The following IGSF23 variants were observed in gnomAD, a reference collection of about 807,000 sequenced individuals.
IGSF23 encodes the protein immunoglobulin superfamily, member 23.
IGSF23 carries 14 observed loss-of-function variants against 17.8 expected under a neutral mutation model. The ratio of observed to expected loss-of-function variants is 0.79; its 90% CI spans 0.52 to 1.23. IGSF23 has a LOEUF of 1.23. Ranked by LOEUF, IGSF23 falls within the 50% of genes most tolerant of loss-of-function variation. The probability of loss-of-function intolerance (pLI) is 0.00; values close to 1 mark genes in which losing one functional copy is unlikely to be tolerated. For missense variants in IGSF23, 214 were observed against 241.7 expected (o/e 0.89, Z 0.76); for synonymous variants, 85 against 92.5 (o/e 0.92, Z 0.46).
intron 3 of IGSF23, among the ~76,000 whole-genome samples, chr19:44,632,980 G>A (rs1972801829): frequency 1.3e-5 from 2 of 152,222 alleles, no homozygotes; most frequent in Admixed American, 1.3e-4. Context: ...ATCAAAAGCA[G>A]TCAATACCTC....
chr19:44,627,377 C>T lies in IGSF23; in HGVS notation c.392-43C>T, dbSNP rs1205865064. 29 of 1,457,902 alleles carry T rather than the reference C, an allele frequency of 2.0e-5. 1 individual carries two copies. Among genetic ancestry groups the T allele is most frequent in the African/African-American group, 7.1e-5 (5 of 70,822 alleles). 90.3% of individuals were successfully genotyped at this position (1,457,902 alleles called of 1,614,324 possible). A position where few individuals can be genotyped will look rare whatever the true frequency, so the allele number is the denominator to read the frequency against. On this transcript the variant is annotated intron_variant, in intron 2 of 4. Transcript: ENST00000402988. ...AGGAGGGAGGGGTGCACAGGGAGGG[C>T]GGGCAGATGGCTCCTCCAATCTCAC...
chr19:44,616,154 T>C (rs1033910081), intron 1 of IGSF23, among the ~76,000 whole-genome samples: 2 of 152,082 alleles, frequency 1.3e-5, no homozygotes, highest in Non-Finnish European at 2.9e-5. Flanking sequence ...CAAAGGGATA[T>C]TTGGCTTTAT....
intron 4 of IGSF23, 120 bp downstream of exon 4, chr19:44,635,585 T>A: frequency 1.4e-6 from 1 of 698,788 alleles, no homozygotes; most frequent in Non-Finnish European, 2.4e-6. Flanking sequence ...CTGTGAGATG[T>A]TCCCCTCCTG....
chr19:44,624,005 C>T, intron 2 of IGSF23, 33 bp downstream of exon 2: 2 of 1,517,632 alleles, frequency 1.3e-6, no homozygotes, highest in Middle Eastern at 2.2e-4. Flanking sequence ...CCCCACCCCA[C>T]CCAAGAGCCC....
intron 2 of IGSF23, among the ~76,000 whole-genome samples, chr19:44,625,676 T>C (rs1326805959): frequency 6.6e-6 from 1 of 152,194 alleles, no homozygotes; most frequent in Non-Finnish European, 1.5e-5. Context: ...TGGTGAATAT[T>C]GTTTTTAGTG....
intron 3 of IGSF23, among the ~76,000 whole-genome samples, chr19:44,628,095 C>T (rs962791342): frequency 2.6e-5 from 4 of 152,146 alleles, no homozygotes; most frequent in African/African-American, 4.8e-5. Context: ...CAGGTGCATA[C>T]CACCACGCCT....
chr19:44,619,309 T>G (rs1163473758), intron 1 of IGSF23, among the ~76,000 whole-genome samples: 1 of 152,172 alleles, frequency 6.6e-6, no homozygotes, highest in South Asian at 2.1e-4. Flanking sequence ...AACATGAGAT[T>G]TTGGCAGGGA....
At position 44,627,556 on chromosome 19, in the gene IGSF23, C is replaced by T; in HGVS notation, c.528C>T (p.Ile176=). 6.4e-7 allele frequency: 1 copy of T among 1,550,388 alleles called. No homozygotes were observed. The highest frequency in any genetic ancestry group is 8.7e-7 in the Non-Finnish European group (1 of 1,146,878). The change falls in exon 3 of 5, where the codon ATC becomes ATT. Residue 176 remains isoleucine, a synonymous_variant. Coordinates refer to ENST00000402988, the MANE Select transcript of IGSF23 (RefSeq NM_001205280.2). ...CACTGATTGCAGGCATGTGTTTCAT[C>T]ATCATCCAGAGCCTAAGGTACCTCT... is the stretch of plus-strand genomic sequence containing the variant. ...AGALIAGMCF[I]IIQSLRTDRQ...
intron 1 of IGSF23, 133 bp downstream of exon 1, chr19:44,613,903 G>T (rs1972308781): frequency 6.5e-7 from 1 of 1,548,294 alleles, no homozygotes; most frequent in Non-Finnish European, 8.7e-7. Flanking sequence ...GACCTTCTCT[G>T]CACAGTCCCT....
chr19:44,617,088 G>A (rs983298059), intron 1 of IGSF23, among the ~76,000 whole-genome samples: 1 of 151,870 alleles, frequency 6.6e-6, no homozygotes, highest in African/African-American at 2.4e-5. Context: ...GTAGAGACAG[G>A]GCCTCACTCA....
rs1972629019 is a variant in IGSF23 at position 44,625,667 on chromosome 19, G to A, written c.391+1695G>A. ...AGGTGCCTTGAATAGCAGCTGTTAT[G>A]GTGAATATTGTTTTTAGTGTGTTAT... On this transcript the variant is annotated intron_variant, in intron 2 of 4. Coordinates refer to ENST00000402988, the MANE Select transcript of IGSF23 (RefSeq NM_001205280.2). Among the ~76,000 whole-genome samples the A allele has an allele frequency of 2.6e-5, 4 of 152,280 alleles. No individual in the cohort carries two copies. In the South Asian group the frequency reaches 8.3e-4, roughly 32 times the overall value.
chr19:44,623,693 G>A lies in IGSF23; in HGVS notation c.126-14G>A, dbSNP rs1972570291. The A allele has an allele frequency of 6.4e-7, 1 of 1,550,804 alleles. No individual in the cohort carries two copies. The highest frequency in any genetic ancestry group is 1.4e-5 in the African/African-American group (1 of 73,044). Reference sequence around the variant, plus strand: ...CTCCACTCTTGTGGCCTTGTTCCCTGTTTGCACAGACAGCCTCCAACTAAT... The same window carrying A: ...CTCCACTCTTGTGGCCTTGTTCCCTATTTGCACAGACAGCCTCCAACTAAT... On this transcript the variant is annotated splice_polypyrimidine_tract_variant and intron_variant, in intron 1 of 4. Transcript: ENST00000402988.
chr19:44,623,416 C>CAA (rs1972563575), intron 1 of IGSF23, among the ~76,000 whole-genome samples: 1 of 152,198 alleles, frequency 6.6e-6, no homozygotes, highest in African/African-American at 2.4e-5. Flanking sequence ...CCCTGATGTG[C>CAA]TCATTCCCCA....
rs574424761 is a variant in IGSF23, at chr19:44,630,712, C to T, written c.545+3139C>T. 5.8e-5 allele frequency among the ~76,000 whole-genome samples: 8 copies of T among 137,208 alleles called. No homozygotes were observed. The East Asian group carries it at 1.7e-3, about 29-fold the overall frequency. The allele number at this position is 137,208 out of a possible 152,430, so 90.0% of individuals were successfully genotyped here. A position where few individuals can be genotyped will look rare whatever the true frequency, so the allele number is the denominator to read the frequency against. On this transcript the variant is annotated intron_variant, in intron 3 of 4. Coordinates refer to ENST00000402988, the MANE Select transcript of IGSF23 (RefSeq NM_001205280.2). ...AGCTGTGACCTTGCAGATGAGGCCA[C>T]GTGTCATGGACATGGCTGCCTTGAC...
At chr19:44,624,123 C>T (rs1459383700) in intron 2 of IGSF23, among the ~76,000 whole-genome samples, 151 bp downstream of exon 2, 1 of 152,052 alleles carries the variant, frequency 6.6e-6, no homozygotes, top group East Asian at 1.9e-4. Flanking sequence ...AATGTTCCAT[C>T]CACCTGGCGG....
intron 1 of IGSF23, among the ~76,000 whole-genome samples, chr19:44,621,147 G>C (rs1972509853): frequency 6.6e-6 from 1 of 151,702 alleles, no homozygotes; most frequent in Admixed American, 6.6e-5. Context: ...GCCAAGCCTG[G>C]TGATGTGCGC....
chr19:44,616,037 A>G (rs1200392746), intron 1 of IGSF23, among the ~76,000 whole-genome samples: 4 of 152,240 alleles, frequency 2.6e-5, no homozygotes, highest in Admixed American at 2.6e-4. Context: ...GTCCAAAGGA[A>G]AACAAAGCCA....
At chr19:44,618,248 A>ATTC (rs1972431600) in intron 1 of IGSF23, 1 of 468,136 alleles carries the variant, frequency 2.1e-6, no homozygotes, top group Non-Finnish European at 4.4e-6. Flanking sequence ...CAGCCATGAT[A>ATTC]TTCTCCCCGA....
chr19:44,622,412 A>G (rs2123719090), intron 1 of IGSF23, among the ~76,000 whole-genome samples: 1 of 152,258 alleles, frequency 6.6e-6, no homozygotes, highest in African/African-American at 2.4e-5. Flanking sequence ...GGAAGTTCCC[A>G]GCACAGTCTG....
Sources: allele counts gnomAD v4.1 joint callset (sites outside exome capture counted in the v4.1 genomes callset), GRCh38; gene constraint gnomAD v4.1.1; transcripts MANE v1.5; gene names NCBI Gene and HGNC (gene_info 2026-07-23, HGNC 2026-07-21).